The following COG5 variants were observed in gnomAD, a reference collection of about 807,000 sequenced individuals.
COG5 encodes the protein conserved oligomeric Golgi complex subunit 5.
A neutral mutation model predicts 110.4 loss-of-function variants in COG5; 86 were observed. That is an observed-to-expected ratio of 0.78 (90% CI 0.65 to 0.93). COG5 has a LOEUF of 0.93. Ranked by LOEUF, COG5 falls within the 40% of genes least tolerant of loss-of-function variation. The pLI is 0.00. For missense variants in COG5, 1,077 were observed against 987.0 expected (o/e 1.09, Z -1.22); for synonymous variants, 360 against 334.6 (o/e 1.08, Z -0.83).
At chr7:107,212,068 G>GC (rs1485919012) in intron 19 of COG5, among the ~76,000 whole-genome samples, 1 of 152,096 alleles carries the variant, frequency 6.6e-6, no homozygotes, top group Admixed American at 6.5e-5. Flanking sequence ...ATGAATGAAG[G>GC]CCTGTACAAA....
chr7:107,552,897 G>A (rs1158504403), intron 3 of COG5, among the ~76,000 whole-genome samples: 3 of 151,930 alleles, frequency 2.0e-5, no homozygotes, highest in East Asian at 3.9e-4. Flanking sequence ...AAAGAAACAT[G>A]GTACATATAT....
At chr7:107,517,404 C>G (rs1324215797) in intron 6 of COG5, among the ~76,000 whole-genome samples, 1 of 152,128 alleles carries the variant, frequency 6.6e-6, no homozygotes, top group Non-Finnish European at 1.5e-5. Flanking sequence ...TGAATGGAAT[C>G]AAGTTGGAAA....
At position 107,258,296 on chromosome 7, in the gene COG5, T is replaced by C. The variant is rs145616048; in HGVS notation, c.1663A>G (p.Lys555Glu). The C allele has an allele frequency of 6.2e-7, 1 of 1,609,958 alleles. No homozygotes were observed. Among genetic ancestry groups the C allele is most frequent in the Non-Finnish European group, 8.5e-7 (1 of 1,176,332 alleles). The change falls in exon 15 of 22, where the codon AAG becomes GAG. Residue 555 changes from lysine (K) to glutamate (E), a missense_variant. Lys to Glu is a moderately conservative substitution (Grantham distance 56, BLOSUM62 1). Transcript: ENST00000297135. Reference sequence around the variant, plus strand: ...ACCTTTGTTACTGATTGGTGCAACTTATACAATGAATTCACTACTGCCACA... The same window carrying C: ...ACCTTTGTTACTGATTGGTGCAACTCATACAATGAATTCACTACTGCCACA... ...RNVAVVNSLY[K>E]LHQSVTKVVS... is the part of the protein sequence containing the mutation.
rs1385602774 is a variant in COG5 at position 107,463,859 on chromosome 7, G to T, written c.539-51227C>A. ...TGACGCTGTGCTCCTGGAAGTGCTT[G>T]GGCCTAGGGGTCTCTAATTTGCCCC... is the stretch of plus-strand genomic sequence containing the variant. On this transcript the variant is annotated intron_variant, in intron 6 of 21. Transcript: ENST00000297135. Among the ~76,000 whole-genome samples, 3 of 152,196 alleles carry T rather than the reference G, an allele frequency of 2.0e-5. No individual in the cohort carries two copies. The East Asian group carries it at 5.8e-4, about 29-fold the overall frequency.
intron 16 of COG5, among the ~76,000 whole-genome samples, chr7:107,250,170 C>T (rs765830513): frequency 3.3e-5 from 5 of 152,054 alleles, no homozygotes; most frequent in African/African-American, 1.2e-4. Context: ...TATAAGGCCA[C>T]GGCAGTGGTA....
intron 6 of COG5, among the ~76,000 whole-genome samples, chr7:107,441,147 C>T (rs1467128375): frequency 6.7e-6 from 1 of 148,872 alleles, no homozygotes. Flanking sequence ...CCCAGCTACT[C>T]AGGAGGCTGA....
intron 5 of COG5, among the ~76,000 whole-genome samples, chr7:107,536,097 C>T (rs1365824962): frequency 6.6e-6 from 1 of 152,172 alleles, no homozygotes; most frequent in East Asian, 1.9e-4. Context: ...CCACAAAATT[C>T]AACAGCCCTT....
At chr7:107,544,692 G>A (rs1802289331) in intron 5 of COG5, among the ~76,000 whole-genome samples, 1 of 152,160 alleles carries the variant, frequency 6.6e-6, no homozygotes. Flanking sequence ...GCAAAGAGTG[G>A]AGTAAGTTCC....
intron 6 of COG5, among the ~76,000 whole-genome samples, chr7:107,515,922 C>T (rs1799888824): frequency 6.6e-6 from 1 of 152,172 alleles, no homozygotes; most frequent in Non-Finnish European, 1.5e-5. Flanking sequence ...CAGGTAAATA[C>T]TGTCTCTTGG....
chr7:107,288,907 G>GATATATATATATAT (rs60313728), intron 12 of COG5, among the ~76,000 whole-genome samples: 2 of 94,148 alleles, frequency 2.1e-5, no homozygotes, highest in Non-Finnish European at 4.3e-5. Flanking sequence ...TTCTAACAGA[G>GATATATATATATAT]ATATATATAT....
At chr7:107,250,253 A>T (rs910870230) in intron 16 of COG5, among the ~76,000 whole-genome samples, 1 of 152,126 alleles carries the variant, frequency 6.6e-6, no homozygotes, top group African/African-American at 2.4e-5. Context: ...TTTTATGTTT[A>T]AACTCGGCAC....
intron 20 of COG5, 44 bp downstream of exon 20, chr7:107,211,055 T>G: frequency 1.9e-6 from 3 of 1,609,324 alleles, no homozygotes; most frequent in Non-Finnish European, 2.5e-6. Context: ...ACACAGGTAA[T>G]GGGAAGAGTC....
chr7:107,517,021 G>A (rs536076463), intron 6 of COG5, among the ~76,000 whole-genome samples: 12 of 152,330 alleles, frequency 7.9e-5, no homozygotes, highest in African/African-American at 2.9e-4. Flanking sequence ...CTAATTGACA[G>A]AAGTAGGCTT....
intron 7 of COG5, among the ~76,000 whole-genome samples, chr7:107,391,069 CG>C (rs1790590366): frequency 6.6e-6 from 1 of 151,760 alleles, no homozygotes; most frequent in African/African-American, 2.4e-5. Flanking sequence ...TGACCATCCA[CG>C]GATGCATGAT....
intron 14 of COG5, among the ~76,000 whole-genome samples, chr7:107,275,957 AAAG>A (rs1004032003): frequency 3.3e-5 from 5 of 152,212 alleles, no homozygotes; most frequent in Non-Finnish European, 7.3e-5. Context: ...AAAATTATAT[AAAG>A]AATAAAGTGT....
In COG5 at chr7:107,412,628, A is replaced by G; in HGVS notation, c.543T>C (p.Tyr181=). 6.5e-7 allele frequency: 1 copy of G among 1,529,044 alleles called. No homozygotes were observed. The highest frequency in any genetic ancestry group is 9.0e-7 in the Non-Finnish European group (1 of 1,105,618). 94.7% of individuals were successfully genotyped at this position (1,529,044 alleles called of 1,614,324 possible). A position where few individuals can be genotyped will look rare whatever the true frequency, so the allele number is the denominator to read the frequency against. ...KAAQSLNELD[Y]LSQGIDLSGI... The stretch of plus-strand genomic sequence containing the variant: ...CAGAAAGATCTATTCCTTGAGAAAG[A>G]TAATCTGTTTAAAACAAAAACATAC... The change falls in exon 7 of 22, where the codon TAT becomes TAC. Residue 181 remains tyrosine, a synonymous_variant. Transcript: ENST00000297135.
intron 10 of COG5, among the ~76,000 whole-genome samples, chr7:107,348,961 A>C (rs1224889540): frequency 1.3e-5 from 2 of 152,106 alleles, no homozygotes; most frequent in Non-Finnish European, 2.9e-5. Flanking sequence ...TCCTGGGCTC[A>C]AGTGATCCTC....
intron 6 of COG5, among the ~76,000 whole-genome samples, chr7:107,460,849 A>G (rs1795947433): frequency 6.6e-6 from 1 of 152,150 alleles, no homozygotes; most frequent in African/African-American, 2.4e-5. Flanking sequence ...TAATAAATTT[A>G]GCAACTTTTA....
chr7:107,393,558 G>C (rs575123585), intron 7 of COG5, among the ~76,000 whole-genome samples: 4 of 152,156 alleles, frequency 2.6e-5, no homozygotes, highest in Non-Finnish European at 5.9e-5. Flanking sequence ...TACCAAGGGG[G>C]TGGGCCCACA....
Sources: allele counts gnomAD v4.1 joint callset (sites outside exome capture counted in the v4.1 genomes callset), GRCh38; gene constraint gnomAD v4.1.1; transcripts MANE v1.5; gene names NCBI Gene and HGNC (gene_info 2026-07-23, HGNC 2026-07-21).